The following HTR3C variants were observed in gnomAD, a reference collection of about 807,000 sequenced individuals.
HTR3C encodes 5-HT3-C.
HTR3C carries 32 observed loss-of-function variants against 40.5 expected under a neutral mutation model. That is an observed-to-expected ratio of 0.79 (90% confidence interval 0.60 to 1.06). HTR3C has a LOEUF of 1.06. Among genes scored for constraint, HTR3C ranks in the 50% least tolerant of loss-of-function variants. The pLI, the probability that HTR3C is intolerant of heterozygous loss-of-function variation, is 0.00. For missense variants in HTR3C, 523 were observed against 556.8 expected, an observed-to-expected ratio of 0.94 and a Z score of 0.61; for synonymous variants, 209 against 217.1, an observed-to-expected ratio of 0.96 and a Z score of 0.33.
At chr3:184,057,264 G>A (rs554147048) in intron 5 of HTR3C, among the ~76,000 whole-genome samples, 1 of 152,124 alleles carries the variant, frequency 6.6e-6, no homozygotes, top group South Asian at 2.1e-4. Flanking sequence ...AGGAGTTTGA[G>A]ACCAGCTTGG....
intron 3 of HTR3C, 95 bp downstream of exon 3, chr3:184,055,451 C>T (rs562475432): frequency 2.0e-5 from 19 of 927,132 alleles, no homozygotes; most frequent in South Asian, 6.6e-5. Flanking sequence ...CAGTGGCTCA[C>T]GCCTGTAATC....
intron 5 of HTR3C, among the ~76,000 whole-genome samples, chr3:184,057,690 G>A (rs1723355933): frequency 6.6e-6 from 1 of 151,974 alleles, no homozygotes; most frequent in South Asian, 2.1e-4. Flanking sequence ...AGCCGAGACT[G>A]CACCACTGCA....
At chr3:184,055,638 G>A (rs1723307347) in intron 3 of HTR3C, among the ~76,000 whole-genome samples, 1 of 151,498 alleles carries the variant, frequency 6.6e-6, no homozygotes, top group East Asian at 1.9e-4. Flanking sequence ...TGCTTGAACC[G>A]GGGAGGCAGA....
chr3:184,060,018 G>A lies in HTR3C; in HGVS notation c.1116G>A (p.Leu372=). Residue 372 remains leucine, a synonymous_variant, in exon 8 of 9, where the codon CTG becomes CTA. Transcript: ENST00000318351. The stretch of plus-strand genomic sequence containing the variant: ...CGCCCCAGAAGGGAAATAAGGGCCT[G>A]GGTCTCACCCTCACCCACCTGCCTG... ...PTAPQKGNKG[L]GLTLTHLPGP... 1 of 1,613,838 alleles carries A rather than the reference G, an allele frequency of 6.2e-7. No individual in the cohort carries two copies. Among genetic ancestry groups the A allele is most frequent in the Middle Eastern group, 1.7e-4 (1 of 6,000 alleles).
chr3:184,055,710 ATC>A (rs1723308638), intron 3 of HTR3C, among the ~76,000 whole-genome samples: 6 of 90,664 alleles, frequency 6.6e-5, no homozygotes, highest in Admixed American at 4.0e-4. Context: ...ACGAAACTCC[ATC>A]ACACACACAC....
At chr3:184,057,402 G>A (rs1238226583) in intron 5 of HTR3C, among the ~76,000 whole-genome samples, 1 of 152,040 alleles carries the variant, frequency 6.6e-6, no homozygotes, top group African/African-American at 2.4e-5. Flanking sequence ...ATTGCACACT[G>A]CATTCCAGCC....
At chr3:184,057,516 C>T (rs1396858549) in intron 5 of HTR3C, among the ~76,000 whole-genome samples, 4 of 152,128 alleles carry the variant, frequency 2.6e-5, no homozygotes, top group South Asian at 2.1e-4. Context: ...GGGCAGAACA[C>T]GAGGTCAGGA....
intron 5 of HTR3C, among the ~76,000 whole-genome samples, chr3:184,057,531 G>C (rs1218526313): frequency 6.6e-6 from 1 of 152,118 alleles, no homozygotes; most frequent in East Asian, 1.9e-4. Context: ...TCAGGAGATC[G>C]AGACCATCCT....
At chr3:184,054,974 C>G in intron 2 of HTR3C, 87 bp downstream of exon 2, 1 of 1,370,478 alleles carries the variant, frequency 7.3e-7, no homozygotes, top group South Asian at 1.4e-5. Flanking sequence ...GCCCTGGCCC[C>G]GTGGTGAACA....
chr3:184,053,823 T>C (rs1267015623), intron 1 of HTR3C, among the ~76,000 whole-genome samples: 1 of 152,076 alleles, frequency 6.6e-6, no homozygotes, highest in Admixed American at 6.5e-5. Context: ...GGCACGATCT[T>C]GGCTCACTGC....
intron 3 of HTR3C, among the ~76,000 whole-genome samples, chr3:184,055,882 C>T (rs1216023255): frequency 1.0e-4 from 1 of 9,892 alleles, no homozygotes; most frequent in East Asian, 4.5e-3. Flanking sequence ...GAAATAGCAA[C>T]TCAAAAAAAA....
Position 184,056,824 on chromosome 3 carries a change from G to A in HTR3C, c.390-51G>A, listed in dbSNP as rs749643155. 14 of 1,498,638 alleles carry A rather than the reference G, an allele frequency of 9.3e-6. No individual in the cohort carries two copies. In the African/African-American group the frequency reaches 1.8e-4, roughly 19 times the overall value. 92.8% of individuals were successfully genotyped at this position (1,498,638 alleles called of 1,614,324 possible). On this transcript the variant is annotated intron_variant, in intron 4 of 8. Transcript: ENST00000318351. ...CAGCAGGGGAGACCCCAGAAGGAAG[G>A]GAGACAAGAGCTGATTAAGCCTCCA...
chr3:184,054,656 C>T (rs558402903), intron 1 of HTR3C, 65 bp from the exon 2 acceptor site: 2 of 1,391,752 alleles, frequency 1.4e-6, no homozygotes, highest in South Asian at 3.0e-5. Context: ...TATTTTATCT[C>T]TCTGCAGAGA....
Position 184,056,280 on chromosome 3 carries a change from T to C in HTR3C, c.383T>C (p.Val128Ala), listed in dbSNP as rs759067825. 1 of 1,609,616 alleles carries C rather than the reference T, an allele frequency of 6.2e-7. No individual in the cohort carries two copies. The highest frequency in any genetic ancestry group is 1.7e-5 in the Admixed American group (1 of 60,006). ...ENLWLPDIFI[V>A]ESMDVDQTPS... ...CTGTGGCTCCCAGACATCTTCATCGTGGAATCGTGCGTATGCAGGCTGGGG... is the reference window on the plus strand; with the variant it reads ...CTGTGGCTCCCAGACATCTTCATCGCGGAATCGTGCGTATGCAGGCTGGGG... The change falls in exon 4 of 9, where the codon GTG (valine) becomes GCG (alanine). Residue 128 changes from valine (V) to alanine (A), a missense_variant. Transcript: ENST00000318351.
intron 5 of HTR3C, among the ~76,000 whole-genome samples, chr3:184,057,893 T>G (rs1048668345): frequency 6.6e-6 from 1 of 152,200 alleles, no homozygotes; most frequent in African/African-American, 2.4e-5. Context: ...GTGGCCCTTG[T>G]GCCAAATGAG....
At position 184,060,059 on chromosome 3, in the gene HTR3C, A is replaced by G. The variant is rs1440141322; in HGVS notation, c.1141+16A>G. 1.2e-6 allele frequency: 2 copies of G among 1,610,110 alleles called. No individual in the cohort carries two copies. ...CACCTGCCTGGTGAGGGAAGCCAGCACTGTCCATACTCGCCCTTCACACTG... is the reference window on the plus strand; with the variant it reads ...CACCTGCCTGGTGAGGGAAGCCAGCGCTGTCCATACTCGCCCTTCACACTG... On this transcript the variant is annotated intron_variant, in intron 8 of 8. Transcript: ENST00000318351.
Position 184,053,617 on chromosome 3 carries a change from TAGAG to T in HTR3C, c.67+474_67+477del, listed in dbSNP as rs1484029866. Among the ~76,000 whole-genome samples the T allele has an allele frequency of 6.6e-5, 10 of 152,206 alleles. No homozygotes were observed. The South Asian group carries it at 1.2e-3, about 19-fold the overall frequency. Reference sequence around the variant, plus strand: ...TAAATATTATGGAAAGAGATGGAGATAGAGAGAAGGAGGCAGAGAAAAGGACCAT... The same window carrying T: ...TAAATATTATGGAAAGAGATGGAGATAGAAGGAGGCAGAGAAAAGGACCAT... On this transcript the variant is annotated intron_variant, in intron 1 of 8. Transcript: ENST00000318351.
chr3:184,056,709 C>T (rs1723334387), intron 4 of HTR3C, among the ~76,000 whole-genome samples, 166 bp from the exon 5 acceptor site: 1 of 152,144 alleles, frequency 6.6e-6, no homozygotes, highest in Non-Finnish European at 1.5e-5. Flanking sequence ...GATTGCACCA[C>T]TGAACTCCAG....
intron 7 of HTR3C, 86 bp downstream of exon 7, chr3:184,059,726 G>A (rs1038217341): frequency 1.9e-6 from 3 of 1,585,616 alleles, no homozygotes; most frequent in Non-Finnish European, 2.6e-6. Context: ...CTCCACTGAA[G>A]GAAGGAAGGG....
Sources: allele counts gnomAD v4.1 joint callset (sites outside exome capture counted in the v4.1 genomes callset), GRCh38; gene constraint gnomAD v4.1.1; transcripts MANE v1.5; gene names NCBI Gene and HGNC (gene_info 2026-07-23, HGNC 2026-07-21).